Variants in MTHFSD observed in about 807,000 individuals in gnomAD.
MTHFSD encodes the protein methenyltetrahydrofolate synthetase domain containing.
Under a neutral mutation model 31.1 loss-of-function variants are expected in MTHFSD, and 37 were observed. The observed-to-expected ratio is 1.19, with a 90% CI of 0.91 to 1.56. MTHFSD has a LOEUF of 1.56. MTHFSD is among the 40% of genes most tolerant of loss of function. MTHFSD has a pLI of 0.00. For missense variants in MTHFSD, 664 were observed against 510.1 expected, an observed-to-expected ratio of 1.30 and a Z score of -2.91; for synonymous variants, 221 against 206.9, an observed-to-expected ratio of 1.07 and a Z score of -0.59.
In MTHFSD at chr16:86,546,637, A is replaced by C; in HGVS notation, c.364T>G (p.Tyr122Asp). The part of the protein sequence containing the change: ...KCATSQGVRN[Y>D]SVPIGLDSRV... Reference sequence around the variant, plus strand: ...GAGTCCAAGCCTATGGGGACACTGTAGTTCCTCACACCCTGCACACAGAGA... The same window carrying C: ...GAGTCCAAGCCTATGGGGACACTGTCGTTCCTCACACCCTGCACACAGAGA... Residue 122 changes from tyrosine to aspartate, a missense_variant, in exon 5 of 8, where the codon TAC becomes GAC. Physicochemically the swap from Tyr to Asp is radical, Grantham distance 160 (BLOSUM62 -3). Coordinates refer to ENST00000360900, the MANE Select transcript of MTHFSD (RefSeq NM_001159377.2). 6.2e-7 allele frequency: 1 copy of C among 1,613,584 alleles called. No individual in the cohort carries two copies. Among genetic ancestry groups the C allele is most frequent in the Non-Finnish European group, 8.5e-7 (1 of 1,179,744 alleles).
In MTHFSD at chr16:86,532,053, G is replaced by T. The variant is rs1170531701; in HGVS notation, c.1110C>A (p.Asp370Glu). 6.6e-7 allele frequency: 1 copy of T among 1,508,342 alleles called. No individual in the cohort carries two copies. Among genetic ancestry groups the T allele is most frequent in the African/African-American group, 1.4e-5 (1 of 71,590 alleles). The allele number at this position is 1,508,342 out of a possible 1,614,324, so 93.4% of individuals were successfully genotyped here. ...SCLQGLRLGT[D>E]TLRVALARQQ... Reference sequence around the variant, plus strand: ...GCCTGGCCAGCGCCACCCTCAGGGTGTCGGTGCCCAGGCGCAGGCCCTGCA... The same window carrying T: ...GCCTGGCCAGCGCCACCCTCAGGGTTTCGGTGCCCAGGCGCAGGCCCTGCA... The change falls in exon 8 of 8, where the codon GAC becomes GAA. Residue 370 changes from aspartate (D) to glutamate (E), a missense_variant. Transcript: ENST00000360900.
At chr16:86,551,985 TC>T in intron 3 of MTHFSD, 47 bp downstream of exon 3, 2 of 1,609,956 alleles carry the variant, frequency 1.2e-6, no homozygotes, top group Non-Finnish European at 1.7e-6. Context: ...GGAAAAGGTG[TC>T]CCCCTTGGCG....
chr16:86,554,562 G>T, intron 2 of MTHFSD, 83 bp downstream of exon 2: 1 of 1,057,644 alleles, frequency 9.5e-7, no homozygotes, highest in Non-Finnish European at 1.5e-6. Flanking sequence ...CCACCATGAC[G>T]CAGTAAGAGA....
At chr16:86,547,960 T>C in intron 4 of MTHFSD, 1 of 1,096,060 alleles carries the variant, frequency 9.1e-7, no homozygotes, top group South Asian at 1.3e-5. Flanking sequence ...TAAAGTCATA[T>C]TTGTACACTT....
intron 7 of MTHFSD, among the ~76,000 whole-genome samples, chr16:86,539,557 G>C (rs909709567): frequency 1.3e-5 from 2 of 152,194 alleles, no homozygotes; most frequent in African/African-American, 2.4e-5. Flanking sequence ...TATGAAGTGG[G>C]AAACTCTTGA....
intron 5 of MTHFSD, among the ~76,000 whole-genome samples, chr16:86,544,952 AG>A (rs1360681813): frequency 5.9e-5 from 9 of 152,260 alleles, no homozygotes; most frequent in Non-Finnish European, 1.0e-4. Flanking sequence ...AAACGAACGC[AG>A]GAACAGAAAA....
chr16:86,546,718 A>G, intron 4 of MTHFSD, 69 bp from the exon 5 acceptor site: 1 of 1,321,304 alleles, frequency 7.6e-7, no homozygotes, highest in South Asian at 1.2e-5. Flanking sequence ...TTCATGATCA[A>G]AGTGCACTCA....
chr16:86,549,891 C>T (rs1972887913), intron 3 of MTHFSD, among the ~76,000 whole-genome samples: 1 of 152,234 alleles, frequency 6.6e-6, no homozygotes, highest in Admixed American at 6.5e-5. Flanking sequence ...GCCTGGGAAG[C>T]TGTGCATGCC....
chr16:86,542,746 T>G lies in MTHFSD; in HGVS notation c.443-533A>C, dbSNP rs555716954. ...AAGCAGTACTAAAGCGTTTTGCAAA[T>G]TTGTAATTAGTGGCACAACAAAAGG... On this transcript the variant is annotated intron_variant, in intron 5 of 7. Transcript: ENST00000360900. This position sits in a 1 kb window ranked among gnomAD's most constrained non-coding sequence, Gnocchi z 4.6. Among the ~76,000 whole-genome samples, 1 of 152,308 alleles carries G rather than the reference T, an allele frequency of 6.6e-6. No individual in the cohort carries two copies. Among genetic ancestry groups the G allele is most frequent in the Admixed American group, 6.5e-5 (1 of 15,300 alleles).
At chr16:86,535,588 T>C (rs1970581272) in intron 7 of MTHFSD, 2 of 811,410 alleles carry the variant, frequency 2.5e-6, no homozygotes, top group Non-Finnish European at 1.4e-6. Context: ...TATAACTAAT[T>C]CTATTCTAAA....
chr16:86,552,448 GA>G (rs1973305266), intron 2 of MTHFSD, among the ~76,000 whole-genome samples: 1 of 152,186 alleles, frequency 6.6e-6, no homozygotes, highest in Non-Finnish European at 1.5e-5. Context: ...AGGGATTTGA[GA>G]AAAGTAGCCT....
rs185553173 is a variant in MTHFSD at position 86,543,611 on chromosome 16, G to A, written c.443-1398C>T. Among the ~76,000 whole-genome samples, 288 of 152,350 alleles carry A rather than the reference G, an allele frequency of 1.9e-3. 2 individuals carry two copies. Among genetic ancestry groups the A allele is most frequent in the Admixed American group, 3.4e-3 (52 of 15,306 alleles). On this transcript the variant is annotated intron_variant, in intron 5 of 7. Transcript: ENST00000360900. Reference sequence around the variant, plus strand: ...GGCCAGCCCGCAGTGCTGACAGGAAGGGGCTCTAAGACACAGTCTCCAGCA... The same window carrying A: ...GGCCAGCCCGCAGTGCTGACAGGAAAGGGCTCTAAGACACAGTCTCCAGCA...
rs1355409352 is a variant in MTHFSD at position 86,530,550 on chromosome 16, T to A, written c.*1461A>T. The A allele has an allele frequency of 6.6e-6, 1 of 151,718 alleles. No individual in the cohort carries two copies. Among genetic ancestry groups the A allele is most frequent in the Non-Finnish European group, 1.5e-5 (1 of 67,986 alleles). The allele number at this position is 151,718 out of a possible 1,614,324, so 9.4% of individuals were successfully genotyped here. On this transcript the variant is annotated 3_prime_UTR_variant, in exon 8 of 8. Coordinates refer to ENST00000360900, the MANE Select transcript of MTHFSD (RefSeq NM_001159377.2). ...GGGGCAGGGAGTGGAGAAGGGGGGC[T>A]GACTCACTTGCTCTTCTCCTGGAGT...
Position 86,531,579 on chromosome 16 carries a change from G to A in MTHFSD, c.*432C>T, listed in dbSNP as rs138567211. On this transcript the variant is annotated 3_prime_UTR_variant, in exon 8 of 8. Transcript: ENST00000360900. This position sits in a 1 kb window ranked among gnomAD's most constrained non-coding sequence, Gnocchi z 5.5. Reference sequence around the variant, plus strand: ...GCCTGAAGCCCAAGGGCGCGCTTCTGTACCCAGCATCCAGTCCCTGCCAGG... The same window carrying A: ...GCCTGAAGCCCAAGGGCGCGCTTCTATACCCAGCATCCAGTCCCTGCCAGG... 730 of 154,808 alleles carry A rather than the reference G, an allele frequency of 4.7e-3. 6 individuals are homozygous for A. The highest frequency in any genetic ancestry group is 0.015 in the African/African-American group (613 of 41,686). The allele number at this position is 154,808 out of a possible 1,614,324, so 9.6% of individuals were successfully genotyped here.
intron 4 of MTHFSD, 111 bp from the exon 5 acceptor site, chr16:86,546,760 T>TG (rs1972371504): frequency 5.5e-6 from 5 of 901,396 alleles, no homozygotes; most frequent in Non-Finnish European, 8.9e-6. Flanking sequence ...ACAAAACAGA[T>TG]GCAGGCACAC....
Position 86,532,460 on chromosome 16 carries a change from T to A in MTHFSD, c.703A>T (p.Lys235Ter). ...CGGAGGCTCCTCAGTATGGGGATTTTCTCCATCATCTCCAGGCTGATCTGA... is the reference window on the plus strand; with the variant it reads ...CGGAGGCTCCTCAGTATGGGGATTTACTCCATCATCTCCAGGCTGATCTGA... The part of the protein sequence containing the change: ...WFKISLEMME[K>*]IPILRSLRAR... Residue 235 changes from lysine to a stop codon, truncating the protein, a stop_gained, in exon 8 of 8, where the codon AAA (lysine) becomes TAA (stop). Transcript: ENST00000360900. LOFTEE classifies it low-confidence loss of function (END_TRUNC). 7.0e-7 allele frequency: 1 copy of A among 1,432,530 alleles called. No homozygotes were observed. Among genetic ancestry groups the A allele is most frequent in the Non-Finnish European group, 9.2e-7 (1 of 1,090,328 alleles). 88.7% of individuals were successfully genotyped at this position (1,432,530 alleles called of 1,614,324 possible). A position where few individuals can be genotyped will look rare whatever the true frequency, so the allele number is the denominator to read the frequency against.
chr16:86,550,449 G>T (rs1972974679), intron 3 of MTHFSD, among the ~76,000 whole-genome samples: 2 of 152,192 alleles, frequency 1.3e-5, no homozygotes, highest in South Asian at 4.1e-4. Flanking sequence ...TGCTCTGAGG[G>T]GCTGACAGCT....
chr16:86,535,323 G>C (rs946254876), intron 7 of MTHFSD: 2 of 60,728 alleles, frequency 3.3e-5, no homozygotes, highest in African/African-American at 1.8e-4. Context: ...TCCTCCTCAA[G>C]CTCTAATGGC....
chr16:86,541,313 A>G, intron 7 of MTHFSD: 1 of 964,124 alleles, frequency 1.0e-6, no homozygotes, highest in South Asian at 1.6e-5. Flanking sequence ...AAAAATCTGG[A>G]TTTAAAAAGG....
Sources: gnomAD v4.1 joint callset for allele counts (sites outside exome capture counted in the v4.1 genomes callset) on GRCh38, gnomAD v4.1.1 for gene constraint, Gnocchi (gnomAD v3.1) non-coding constraint, MANE v1.5 for transcripts, NCBI Gene and HGNC (gene_info 2026-07-23, HGNC 2026-07-21) for gene names.